ARHGEF10: variants seen among roughly 807,000 people sequenced by gnomAD.
ARHGEF10 encodes the protein Rho guanine nucleotide exchange factor (GEF) 10.
In ARHGEF10, 140 loss-of-function variants were observed where a neutral mutation model predicts 147.4. The ratio of observed to expected loss-of-function variants is 0.95; its 90% CI spans 0.83 to 1.09. The LOEUF is 1.09. ARHGEF10 is among the 50% of genes least tolerant of loss of function. The probability of loss-of-function intolerance (pLI) is 0.00; values close to 1 mark genes in which losing one functional copy is unlikely to be tolerated. For synonymous variants in ARHGEF10, 902 were observed against 695.8 expected (o/e 1.30, Z -4.67); for missense variants, 2,222 against 1,752.7 (o/e 1.27, Z -4.78).
At chr8:1,935,398 A>G (rs1813503292) in intron 26 of ARHGEF10, among the ~76,000 whole-genome samples, 1 of 152,132 alleles carries the variant, frequency 6.6e-6, no homozygotes. Flanking sequence ...GTCCACCACT[A>G]CAGCATCGCG....
chr8:1,857,981 C>T lies in ARHGEF10; in HGVS notation c.59C>T (p.Thr20Ile). The change falls in exon 3 of 29, where the codon ACC becomes ATC. Residue 20 changes from threonine (T) to isoleucine (I), a missense_variant. Thr to Ile is a moderately conservative substitution (Grantham distance 89, BLOSUM62 -1). Transcript: ENST00000349830. ...APAENEMKYDTNNNEEEEGEQ... is the reference protein window; with the variant it reads ...APAENEMKYDINNNEEEEGEQ... ...TTAGAAAATGAAATGAAATATGATA[C>T]CAATAATAATGAAGAGGAAGAGGGA... The T allele has an allele frequency of 6.2e-7, 1 of 1,613,712 alleles. No individual in the cohort carries two copies. The highest frequency in any genetic ancestry group is 1.1e-5 in the South Asian group (1 of 91,054).
At chr8:1,904,514 G>A (rs3758020) in intron 16 of ARHGEF10, among the ~76,000 whole-genome samples, 7 of 152,298 alleles carry the variant, frequency 4.6e-5, no homozygotes, top group East Asian at 3.9e-4. Flanking sequence ...ATGTAGGAAC[G>A]TTTATAAGCA....
Position 1,932,477 on chromosome 8 carries a change from ACATGTGCACGTGTGTGTGTGCATATGG to A in ARHGEF10, c.3080-1301_3080-1275del, listed in dbSNP as rs747273533. On this transcript the variant is annotated intron_variant, in intron 25 of 28. Coordinates refer to ENST00000349830, the MANE Select transcript of ARHGEF10 (RefSeq NM_014629.4). ...ATGCCTGCATGTGTGTATGTGTGTG[ACATGTGCACGTGTGTGTGTGCATATGG>A]CATGTGCACGTGTGTGTGTGCGTGC... is the stretch of plus-strand genomic sequence containing the variant. Among the ~76,000 whole-genome samples the A allele has an allele frequency of 2.0e-3, 297 of 152,020 alleles. 3 individuals carry two copies. The highest frequency in any genetic ancestry group is 4.4e-3 in the Admixed American group (67 of 15,270).
intron 4 of ARHGEF10, among the ~76,000 whole-genome samples, chr8:1,861,826 G>C (rs1019358942): frequency 2.6e-5 from 4 of 152,212 alleles, no homozygotes; most frequent in African/African-American, 9.6e-5. Context: ...AAATGAGGGC[G>C]TGCAGAGTGT....
At chr8:1,939,967 G>A (rs528274729) in intron 26 of ARHGEF10, among the ~76,000 whole-genome samples, 14 of 152,300 alleles carry the variant, frequency 9.2e-5, no homozygotes, top group East Asian at 1.9e-4. Flanking sequence ...GGTTTTCAGC[G>A]TGGAACAGAT....
intron 11 of ARHGEF10, among the ~76,000 whole-genome samples, chr8:1,892,523 A>G (rs919903905): frequency 6.6e-6 from 1 of 152,068 alleles, no homozygotes; most frequent in African/African-American, 2.4e-5. Context: ...TTAACCAGAG[A>G]AATTTCCGTT....
chr8:1,899,350 T>A (rs957052465), intron 15 of ARHGEF10, among the ~76,000 whole-genome samples: 1 of 152,224 alleles, frequency 6.6e-6, no homozygotes, highest in East Asian at 1.9e-4. Context: ...GATTTTTCAA[T>A]GATTGCTCAG....
chr8:1,832,387 G>A (rs1463088251), intron 1 of ARHGEF10, among the ~76,000 whole-genome samples: 1 of 46,610 alleles, frequency 2.1e-5, no homozygotes, highest in African/African-American at 9.7e-5. Flanking sequence ...CAGAGGCAGA[G>A]GCAGAGACAG....
In ARHGEF10 at chr8:1,923,054, T is replaced by C. The variant is rs1476079460; in HGVS notation, c.2234T>C (p.Ile745Thr). Residue 745 changes from isoleucine (I) to threonine (T), a missense_variant, in exon 19 of 29, where the codon ATA becomes ACA. Ile to Thr is a moderately conservative substitution (Grantham distance 89). Transcript: ENST00000349830. ...GTAATTGGCCAAATCACTCAGCTGATAGGAAACCTTAAAGGAAACTATCAG... is the reference window on the plus strand; with the variant it reads ...GTAATTGGCCAAATCACTCAGCTGACAGGAAACCTTAAAGGAAACTATCAG... ...LNVIGQITQL[I>T]GNLKGNYQNL... 1.9e-6 allele frequency: 3 copies of C among 1,611,032 alleles called. No homozygotes were observed. The highest frequency in any genetic ancestry group is 1.7e-5 in the Admixed American group (1 of 59,990).
chr8:1,832,648 A>G (rs865881117), intron 1 of ARHGEF10, among the ~76,000 whole-genome samples: 9 of 96,376 alleles, frequency 9.3e-5, no homozygotes, highest in South Asian at 4.7e-4. Flanking sequence ...AGAGGCAGAG[A>G]CAGAGAGAGA....
rs1815729649 is a variant in ARHGEF10, at chr8:1,958,217, T to C, written c.*954T>C. 1 of 152,258 alleles carries C rather than the reference T, an allele frequency of 6.6e-6. No individual in the cohort carries two copies. Among genetic ancestry groups the C allele is most frequent in the South Asian group, 2.1e-4 (1 of 4,830 alleles). 9.4% of individuals were successfully genotyped at this position (152,258 alleles called of 1,614,324 possible). On this transcript the variant is annotated 3_prime_UTR_variant, in exon 29 of 29. Coordinates refer to ENST00000349830, the MANE Select transcript of ARHGEF10 (RefSeq NM_014629.4). ...TGGTGCTAGGCCATGCTGGCTGCTG[T>C]CACTGAGCGGGACTCAGGCCAAGAG...
intron 9 of ARHGEF10, among the ~76,000 whole-genome samples, chr8:1,881,939 A>G (rs896353465): frequency 1.3e-5 from 2 of 152,180 alleles, no homozygotes; most frequent in Non-Finnish European, 2.9e-5. Flanking sequence ...TTTTTAAGGA[A>G]TAAGAAATCA....
Position 1,879,704 on chromosome 8 carries a change from C to T in ARHGEF10, c.844-344C>T, listed in dbSNP as rs574340117. Among the ~76,000 whole-genome samples the T allele has an allele frequency of 4.6e-5, 7 of 152,160 alleles. No individual in the cohort carries two copies. The East Asian group carries it at 1.4e-3, about 29-fold the overall frequency. ...AGTAGCTAGGATCACAGGCGCGCAC[C>T]ACCCTACCTGGCTAATTTTTGTAAT... On this transcript the variant is annotated intron_variant, in intron 8 of 28. Transcript: ENST00000349830.
chr8:1,853,322 C>T (rs1805290223), intron 2 of ARHGEF10, among the ~76,000 whole-genome samples: 1 of 152,200 alleles, frequency 6.6e-6, no homozygotes, highest in Admixed American at 6.5e-5. Flanking sequence ...CTCCTGGGCT[C>T]CACAGGGACC....
At chr8:1,856,760 C>G (rs1009574900) in intron 2 of ARHGEF10, among the ~76,000 whole-genome samples, 1 of 152,164 alleles carries the variant, frequency 6.6e-6, no homozygotes, top group Non-Finnish European at 1.5e-5. Context: ...TTGGGCTGAC[C>G]CAGGCTCTGT....
At chr8:1,876,510 C>T (rs1807715349) in intron 7 of ARHGEF10, 61 bp from the exon 8 acceptor site, 3 of 1,533,218 alleles carry the variant, frequency 2.0e-6, no homozygotes, top group African/African-American at 1.4e-5. Context: ...CACAAACAGG[C>T]ACAAAACAGC....
intron 16 of ARHGEF10, 33 bp from the exon 17 acceptor site, chr8:1,905,538 C>T (rs775980748): frequency 5.6e-6 from 9 of 1,613,922 alleles, no homozygotes; most frequent in East Asian, 4.5e-5. Context: ...GTAAACTGAA[C>T]TGTGGTCCCT....
chr8:1,839,154 G>C (rs1180973361), intron 1 of ARHGEF10, among the ~76,000 whole-genome samples: 1 of 149,668 alleles, frequency 6.7e-6, no homozygotes, highest in African/African-American at 2.5e-5. Flanking sequence ...TATGGGGACT[G>C]TCCGGTGTGG....
chr8:1,866,026 T>G (rs1806578050), intron 5 of ARHGEF10, among the ~76,000 whole-genome samples: 1 of 152,176 alleles, frequency 6.6e-6, no homozygotes, highest in South Asian at 2.1e-4. Context: ...GCAGTCCCTG[T>G]GTGTGTGGGA....
Sources: gnomAD v4.1 joint callset for allele counts (sites outside exome capture counted in the v4.1 genomes callset) on GRCh38, gnomAD v4.1.1 for gene constraint, MANE v1.5 for transcripts, NCBI Gene and HGNC (gene_info 2026-07-23, HGNC 2026-07-21) for gene names.